Variants in GPC6 observed in about 807,000 individuals in gnomAD.
The protein encoded by GPC6 is glypican-6.
GPC6 carries 14 observed loss-of-function variants against 55.2 expected under a neutral mutation model. The ratio of observed to expected loss-of-function variants is 0.25; its 90% CI spans 0.17 to 0.40. GPC6 has a LOEUF of 0.40. GPC6 is among the 10% of genes least tolerant of loss of function. GPC6 has a pLI of 1.00. For missense variants in GPC6, 641 were observed against 708.5 expected, an observed-to-expected ratio of 0.90 and a Z score of 1.08; for synonymous variants, 278 against 259.6, an observed-to-expected ratio of 1.07 and a Z score of -0.68.
At chr13:93,308,708 C>G (rs769050907) in intron 1 of GPC6, among the ~76,000 whole-genome samples, 89 of 152,356 alleles carry the variant, frequency 5.8e-4, no homozygotes, top group Middle Eastern at 3.4e-3. Flanking sequence ...TCCCAAAGTG[C>G]TGGGATTACA....
At chr13:94,090,440 C>T (rs61962306) in intron 4 of GPC6, among the ~76,000 whole-genome samples, 25,959 of 152,082 alleles carry the variant, frequency 0.17, 2,806 homozygotes, top group South Asian at 0.26. Context: ...GACAAGTCAT[C>T]TTAAACAGCT....
At chr13:93,551,260 T>C (rs1051079045) in intron 2 of GPC6, among the ~76,000 whole-genome samples, 4 of 152,064 alleles carry the variant, frequency 2.6e-5, no homozygotes, top group Non-Finnish European at 2.9e-5. Context: ...AGATAGATAT[T>C]CTATCACAAT....
At chr13:93,460,776 AC>A (rs769718082) in intron 1 of GPC6, among the ~76,000 whole-genome samples, 1 of 151,868 alleles carries the variant, frequency 6.6e-6, no homozygotes, top group Non-Finnish European at 1.5e-5. Flanking sequence ...AACTAATATT[AC>A]CCCCCCATTG....
chr13:94,085,181 G>C (rs768903705), intron 4 of GPC6, among the ~76,000 whole-genome samples: 4 of 151,768 alleles, frequency 2.6e-5, no homozygotes, highest in Non-Finnish European at 5.9e-5. Context: ...AATTAGCCAA[G>C]CGTGGTGGTG....
intron 1 of GPC6, among the ~76,000 whole-genome samples, chr13:93,438,099 CTA>C (rs1877640859): frequency 6.6e-6 from 1 of 152,108 alleles, no homozygotes. Context: ...TATTTGACAC[CTA>C]TTCCTGAGAC....
intron 1 of GPC6, among the ~76,000 whole-genome samples, chr13:93,508,948 C>T (rs146636280): frequency 4.5e-4 from 69 of 152,230 alleles, no homozygotes; most frequent in African/African-American, 1.5e-3. Context: ...TGGTTGGAAG[C>T]CCCTGAAGAC....
intron 2 of GPC6, among the ~76,000 whole-genome samples, chr13:93,736,767 T>C (rs888723084): frequency 6.6e-6 from 1 of 152,194 alleles, no homozygotes; most frequent in Non-Finnish European, 1.5e-5. Context: ...ATGGTAAGAA[T>C]TTTGAATGTG....
At chr13:94,029,617 T>A (rs1374829838) in intron 4 of GPC6, among the ~76,000 whole-genome samples, 1 of 152,178 alleles carries the variant, frequency 6.6e-6, no homozygotes, top group African/African-American at 2.4e-5. Flanking sequence ...ATATTTTTAG[T>A]TGAAATGCCC....
chr13:93,571,229 A>G (rs143723636), intron 2 of GPC6, among the ~76,000 whole-genome samples: 191 of 152,096 alleles, frequency 1.3e-3, no homozygotes, highest in Non-Finnish European at 2.4e-3. Context: ...CTAGCTCTCA[A>G]TGCGCAAACA....
chr13:93,236,007 G>C (rs1460935611), intron 1 of GPC6, among the ~76,000 whole-genome samples: 1 of 152,270 alleles, frequency 6.6e-6, no homozygotes, highest in Admixed American at 6.5e-5. Flanking sequence ...ACAATGCCTA[G>C]AGGCACAGAA....
At chr13:94,348,669 A>G (rs955876483) in intron 6 of GPC6, among the ~76,000 whole-genome samples, 1 of 152,162 alleles carries the variant, frequency 6.6e-6, no homozygotes, top group African/African-American at 2.4e-5. Context: ...GGCTTTCTGT[A>G]TCACAAATGC....
chr13:93,324,562 A>G (rs867535543), intron 1 of GPC6, among the ~76,000 whole-genome samples: 8 of 128,662 alleles, frequency 6.2e-5, no homozygotes, highest in East Asian at 2.5e-4. Flanking sequence ...ATATATGTGT[A>G]TATATATATA....
chr13:94,112,712 G>A (rs1170884216), intron 4 of GPC6, among the ~76,000 whole-genome samples: 1 of 152,048 alleles, frequency 6.6e-6, no homozygotes, highest in Non-Finnish European at 1.5e-5. Flanking sequence ...CATCTTTTAT[G>A]TGGCTCTGTA....
rs886555739 is a variant in GPC6, at chr13:94,403,911, CTCTG to C, written c.*698_*701del. 8.1e-5 allele frequency: 12 copies of C among 148,790 alleles called. No individual in the cohort carries two copies. The highest frequency in any genetic ancestry group is 3.3e-4 in the African/African-American group (12 of 36,044). The allele number at this position is 148,790 out of a possible 1,614,324, so 9.2% of individuals were successfully genotyped here. ...AACACAAATTACTACAACTCAGTACCTCTGTCTTACTCTGCCCAATTTCAATTTA... is the reference window on the plus strand; with the variant it reads ...AACACAAATTACTACAACTCAGTACCTCTTACTCTGCCCAATTTCAATTTA... On this transcript the variant is annotated 3_prime_UTR_variant, in exon 9 of 9. Coordinates refer to ENST00000377047, the MANE Select transcript of GPC6 (RefSeq NM_005708.5).
intron 2 of GPC6, among the ~76,000 whole-genome samples, chr13:93,812,937 G>A (rs1886741135): frequency 6.6e-6 from 1 of 152,080 alleles, no homozygotes; most frequent in South Asian, 2.1e-4. Flanking sequence ...AAGAGAATAA[G>A]GATTGTCACT....
At chr13:94,117,954 G>T (rs1224341704) in intron 4 of GPC6, among the ~76,000 whole-genome samples, 1 of 152,118 alleles carries the variant, frequency 6.6e-6, no homozygotes, top group Non-Finnish European at 1.5e-5. Flanking sequence ...TTTTTGAAAT[G>T]AAGGTTGTAA....
At chr13:94,254,555 G>A (rs1261202534) in intron 4 of GPC6, among the ~76,000 whole-genome samples, 1 of 151,890 alleles carries the variant, frequency 6.6e-6, no homozygotes, top group Non-Finnish European at 1.5e-5. Flanking sequence ...AATAATAAAA[G>A]TGTAATAACC....
At chr13:93,484,214 A>G (rs1208808142) in intron 1 of GPC6, among the ~76,000 whole-genome samples, 1 of 152,156 alleles carries the variant, frequency 6.6e-6, no homozygotes, top group Non-Finnish European at 1.5e-5. Context: ...CATTCTTTAC[A>G]TTATCATCCT....
intron 1 of GPC6, among the ~76,000 whole-genome samples, chr13:93,268,675 A>C (rs546182625): frequency 6.6e-6 from 1 of 152,262 alleles, no homozygotes; most frequent in East Asian, 1.9e-4. Flanking sequence ...CTTCTTTGGA[A>C]GCACGTGCAT....
Sources: gnomAD v4.1 joint callset for allele counts (sites outside exome capture counted in the v4.1 genomes callset) on GRCh38, gnomAD v4.1.1 for gene constraint, MANE v1.5 for transcripts, NCBI Gene and HGNC (gene_info 2026-07-23, HGNC 2026-07-21) for gene names.